RIMBP2: variants seen among roughly 807,000 people sequenced by gnomAD.
RIMBP2 encodes RIMS-binding protein 2.
RIMBP2 carries 48 observed loss-of-function variants against 118.6 expected under a neutral mutation model. The ratio of observed to expected loss-of-function variants is 0.40; its 90% CI spans 0.32 to 0.51. The LOEUF (loss-of-function observed/expected upper bound fraction) is 0.51. Among genes scored for constraint, RIMBP2 ranks in the 20% least tolerant of loss-of-function variants. The pLI, the probability that RIMBP2 is intolerant of heterozygous loss-of-function variation, is 0.41. For synonymous variants in RIMBP2, 762 were observed against 742.9 expected, an observed-to-expected ratio of 1.03 and a Z score of -0.42; for missense variants, 1,551 against 1,768.3, an observed-to-expected ratio of 0.88 and a Z score of 2.20.
intron 20 of RIMBP2, 110 bp from the exon 21 acceptor site, chr12:130,406,353 A>G: frequency 1.0e-5 from 7 of 686,982 alleles, no homozygotes; most frequent in Non-Finnish European, 1.7e-5. Context: ...TCTGGTATTA[A>G]TCTACTCTTT....
At chr12:130,401,362 C>T (rs892379795) in intron 21 of RIMBP2, among the ~76,000 whole-genome samples, 2 of 152,098 alleles carry the variant, frequency 1.3e-5, no homozygotes, top group South Asian at 2.1e-4. Flanking sequence ...GTGATCCACC[C>T]GCCTCAGCCT....
At chr12:130,577,986 C>T (rs982033993) in intron 2 of RIMBP2, among the ~76,000 whole-genome samples, 1 of 152,138 alleles carries the variant, frequency 6.6e-6, no homozygotes, top group Non-Finnish European at 1.5e-5. Flanking sequence ...CCCTGCCATA[C>T]ATCTTATATA....
chr12:130,643,872 G>A lies in RIMBP2; in HGVS notation c.-351-15416C>T, dbSNP rs1334241149. On this transcript the variant is annotated intron_variant, in intron 1 of 22. Coordinates refer to ENST00000690449, the MANE Select transcript of RIMBP2 (RefSeq NM_001393629.1). The stretch of plus-strand genomic sequence containing the variant: ...ACAAGGAAACTGGAGAGCAAGCAGT[G>A]GGGTCTGCGAGGGGCAGCGATTTTA... 2.6e-5 allele frequency among the ~76,000 whole-genome samples: 4 copies of A among 152,304 alleles called. No individual in the cohort carries two copies. The East Asian group carries it at 7.8e-4, about 30-fold the overall frequency.
At chr12:130,471,056 G>A (rs1004736292) in intron 5 of RIMBP2, among the ~76,000 whole-genome samples, 3 of 152,094 alleles carry the variant, frequency 2.0e-5, no homozygotes, top group East Asian at 1.9e-4. Flanking sequence ...CCAAACATCC[G>A]ACGAACTGCT....
intron 6 of RIMBP2, chr12:130,468,911 G>A (rs1045627127): frequency 3.3e-5 from 5 of 152,154 alleles, no homozygotes; most frequent in Non-Finnish European, 7.3e-5. Context: ...GCACCTCAGC[G>A]AGCATGGCGT....
intron 5 of RIMBP2, among the ~76,000 whole-genome samples, chr12:130,474,587 G>T (rs1248063450): frequency 1.3e-5 from 2 of 152,198 alleles, no homozygotes; most frequent in Non-Finnish European, 2.9e-5. Flanking sequence ...CCTCTGTCTG[G>T]GCATGGAGTG....
At chr12:130,704,144 G>A (rs1385446991) in intron 1 of RIMBP2, among the ~76,000 whole-genome samples, 1 of 152,182 alleles carries the variant, frequency 6.6e-6, no homozygotes, top group African/African-American at 2.4e-5. Flanking sequence ...CAGAACACAG[G>A]CAGGGAGGAC....
At chr12:130,532,688 C>T (rs866742535) in intron 2 of RIMBP2, among the ~76,000 whole-genome samples, 2 of 124,948 alleles carry the variant, frequency 1.6e-5, no homozygotes, top group Non-Finnish European at 3.4e-5. Flanking sequence ...TAATGAGATG[C>T]GTGTGTTCAG....
rs2058497674 is a variant in RIMBP2 at position 130,581,790 on chromosome 12, G to A, written c.-217+46532C>T. On this transcript the variant is annotated intron_variant, in intron 2 of 22. Coordinates refer to ENST00000690449, the MANE Select transcript of RIMBP2 (RefSeq NM_001393629.1). The surrounding 1 kb of genome is among the most constrained non-coding windows in gnomAD (Gnocchi z 4.4). ...CCTGGTCTGTTCTTACTCCCCATTA[G>A]TAAGCTGTCAACATGGTGGCCAGAA... Among the ~76,000 whole-genome samples the A allele has an allele frequency of 6.6e-6, 1 of 152,214 alleles. No individual in the cohort carries two copies. The highest frequency in any genetic ancestry group is 6.5e-5 in the Admixed American group (1 of 15,282).
In RIMBP2 at chr12:130,617,547, C is replaced by T. The variant is rs143886042; in HGVS notation, c.-217+10775G>A. Reference sequence around the variant, plus strand: ...CAGCTGACACCAGCTTTAGATACTGCTAGAAGCTGCTTAGTGGGAGGTATT... The same window carrying T: ...CAGCTGACACCAGCTTTAGATACTGTTAGAAGCTGCTTAGTGGGAGGTATT... On this transcript the variant is annotated intron_variant, in intron 2 of 22. Coordinates refer to ENST00000690449, the MANE Select transcript of RIMBP2 (RefSeq NM_001393629.1). This position sits in a 1 kb window ranked among gnomAD's most constrained non-coding sequence, Gnocchi z 4.6. 1.4e-3 allele frequency among the ~76,000 whole-genome samples: 207 copies of T among 152,354 alleles called. No homozygotes were observed. Among genetic ancestry groups the T allele is most frequent in the African/African-American group, 4.8e-3 (199 of 41,594 alleles).
chr12:130,527,130 G>A (rs918419379), intron 2 of RIMBP2, among the ~76,000 whole-genome samples: 2 of 152,194 alleles, frequency 1.3e-5, no homozygotes, highest in Non-Finnish European at 2.9e-5. Flanking sequence ...GAGGACCTGG[G>A]TTTGAAGCCT....
At chr12:130,637,815 T>C (rs1484582214) in intron 1 of RIMBP2, among the ~76,000 whole-genome samples, 2 of 152,138 alleles carry the variant, frequency 1.3e-5, no homozygotes, top group African/African-American at 4.8e-5. Flanking sequence ...GTACAGCTCA[T>C]GGGAAAGGAG....
intron 1 of RIMBP2, among the ~76,000 whole-genome samples, chr12:130,678,115 C>T (rs532905477): frequency 2.6e-5 from 4 of 152,312 alleles, no homozygotes; most frequent in South Asian, 2.1e-4. Context: ...AAGTCCCTCC[C>T]ACAAACAAAC....
chr12:130,462,449 G>T (rs746851149), intron 6 of RIMBP2, among the ~76,000 whole-genome samples: 4 of 152,200 alleles, frequency 2.6e-5, no homozygotes, highest in Admixed American at 2.0e-4. Flanking sequence ...CCCAAGGCAC[G>T]CTACTCGGCG....
intron 2 of RIMBP2, among the ~76,000 whole-genome samples, chr12:130,627,934 C>T (rs1328867321): frequency 1.3e-5 from 2 of 152,190 alleles, no homozygotes; most frequent in Non-Finnish European, 2.9e-5. Flanking sequence ...AAAATTGGAT[C>T]ATGTCACTCT....
At chr12:130,487,166 C>G (rs59550390) in intron 4 of RIMBP2, among the ~76,000 whole-genome samples, 1 of 152,344 alleles carries the variant, frequency 6.6e-6, no homozygotes, top group Admixed American at 6.5e-5. Flanking sequence ...CAGGTCTTAG[C>G]GAGTGCCATT....
chr12:130,706,838 C>A (rs759922969), intron 1 of RIMBP2, among the ~76,000 whole-genome samples: 4 of 152,144 alleles, frequency 2.6e-5, no homozygotes, highest in Non-Finnish European at 5.9e-5. Context: ...TGCAGTGATT[C>A]GGCAGCCGCC....
chr12:130,468,234 G>A lies in RIMBP2; in HGVS notation c.153+2459C>T, dbSNP rs535297936. ...CAAAGGCCAGGGCTTCCCAGGGAAC[G>A]CACTGCTGAAAATACTCTCTGCTTC... On this transcript the variant is annotated intron_variant, in intron 6 of 22. Transcript: ENST00000690449. 2.3e-3 allele frequency among the ~76,000 whole-genome samples: 353 copies of A among 152,302 alleles called. 1 individual carries two copies. The highest frequency in any genetic ancestry group is 0.014 in the Middle Eastern group (4 of 294).
chr12:130,474,473 C>A (rs1433241897), intron 5 of RIMBP2, among the ~76,000 whole-genome samples: 1 of 152,276 alleles, frequency 6.6e-6, no homozygotes, highest in Admixed American at 6.5e-5. Flanking sequence ...GAGTCCGACG[C>A]GCCTTTCACG....
Sources: allele counts gnomAD v4.1 joint callset (sites outside exome capture counted in the v4.1 genomes callset), GRCh38; gene constraint gnomAD v4.1.1; non-coding constraint Gnocchi (gnomAD v3.1); transcripts MANE v1.5; gene names NCBI Gene and HGNC (gene_info 2026-07-23, HGNC 2026-07-21).